Variants in TAFA2 observed in about 807,000 individuals in gnomAD.
The protein encoded by TAFA2 is TAFA chemokine like family member 2.
In TAFA2, 7 loss-of-function variants were observed where a neutral mutation model predicts 18.8. The observed-to-expected ratio is 0.37, with a 90% CI of 0.21 to 0.70. The LOEUF (loss-of-function observed/expected upper bound fraction) is 0.70. TAFA2 is among the 30% of genes least tolerant of loss of function. TAFA2 has a pLI of 0.53. For synonymous variants in TAFA2, 60 were observed against 54.2 expected (o/e 1.11, Z -0.47); for missense variants, 122 against 158.1 (o/e 0.77, Z 1.23).
intron 4 of TAFA2, among the ~76,000 whole-genome samples, chr12:61,750,024 G>A (rs567637133): frequency 4.6e-5 from 7 of 151,082 alleles, no homozygotes; most frequent in African/African-American, 1.5e-4. Context: ...CAGAATCACA[G>A]TCTGTTTTTT....
chr12:61,935,662 G>A (rs1877732551), intron 1 of TAFA2, among the ~76,000 whole-genome samples: 1 of 151,872 alleles, frequency 6.6e-6, no homozygotes, highest in African/African-American at 2.4e-5. Context: ...TTTTTTGAAA[G>A]ATCAACTTTT....
intron 1 of TAFA2, among the ~76,000 whole-genome samples, chr12:62,228,387 T>TA (rs1303202076): frequency 6.6e-6 from 1 of 152,204 alleles, no homozygotes; most frequent in Non-Finnish European, 1.5e-5. Context: ...CTTATTTTCC[T>TA]GTGGGTATAT....
chr12:62,155,193 C>A (rs903037846), intron 1 of TAFA2, among the ~76,000 whole-genome samples: 2 of 152,106 alleles, frequency 1.3e-5, no homozygotes, highest in African/African-American at 4.8e-5. Context: ...ACCTCTTTTA[C>A]AATAGCTGCA....
intron 2 of TAFA2, among the ~76,000 whole-genome samples, chr12:61,769,585 G>A (rs1869938951): frequency 6.6e-6 from 1 of 152,020 alleles, no homozygotes; most frequent in Non-Finnish European, 1.5e-5. Flanking sequence ...ACACCCCCCA[G>A]TACTTGCCTG....
intron 1 of TAFA2, among the ~76,000 whole-genome samples, chr12:62,233,064 CTCTTTT>C (rs1329034141): frequency 0.013 from 1,051 of 78,348 alleles, 31 homozygotes; most frequent in African/African-American, 0.055. Flanking sequence ...ATTTCTGCAT[CTCTTTT>C]TTTTTTTTTT....
At chr12:61,834,600 A>C (rs1872844634) in intron 2 of TAFA2, among the ~76,000 whole-genome samples, 1 of 151,942 alleles carries the variant, frequency 6.6e-6, no homozygotes, top group South Asian at 2.1e-4. Context: ...TGTTTTGCTA[A>C]AGGGTCAACA....
chr12:62,125,849 T>G (rs989914873), intron 1 of TAFA2, among the ~76,000 whole-genome samples: 1 of 152,120 alleles, frequency 6.6e-6, no homozygotes, highest in African/African-American at 2.4e-5. Context: ...TGAGTCTCTG[T>G]TACCACTAGC....
At chr12:61,718,099 TA>T (rs1869738921) in intron 4 of TAFA2, among the ~76,000 whole-genome samples, 1 of 152,340 alleles carries the variant, frequency 6.6e-6, no homozygotes, top group Non-Finnish European at 1.5e-5. Context: ...AGTGAGCTCC[TA>T]CCACATATAC....
intron 1 of TAFA2, among the ~76,000 whole-genome samples, chr12:61,884,585 G>A (rs1203622331): frequency 6.6e-6 from 1 of 152,080 alleles, no homozygotes; most frequent in African/African-American, 2.4e-5. Flanking sequence ...TTAAAAACTA[G>A]AGATGCTAAA....
At chr12:61,998,294 G>A (rs971723703) in intron 1 of TAFA2, among the ~76,000 whole-genome samples, 7 of 152,070 alleles carry the variant, frequency 4.6e-5, no homozygotes, top group African/African-American at 7.2e-5. Context: ...GTGCAATATA[G>A]CATTATATTT....
chr12:62,153,050 A>T (rs967252103), intron 1 of TAFA2, among the ~76,000 whole-genome samples: 17 of 152,158 alleles, frequency 1.1e-4, no homozygotes, highest in African/African-American at 3.6e-4. Flanking sequence ...ACATTCAATA[A>T]TTTTTTTAAT....
At chr12:62,132,542 C>G (rs140656567) in intron 1 of TAFA2, among the ~76,000 whole-genome samples, 11 of 151,980 alleles carry the variant, frequency 7.2e-5, no homozygotes, top group Admixed American at 2.6e-4. Flanking sequence ...ATACAATTAT[C>G]TCCACACATT....
At chr12:61,854,200 G>A (rs939906771) in intron 2 of TAFA2, among the ~76,000 whole-genome samples, 1 of 151,928 alleles carries the variant, frequency 6.6e-6, no homozygotes, top group Non-Finnish European at 1.5e-5. Flanking sequence ...TTTAAATGGA[G>A]GACATGAGAA....
intron 1 of TAFA2, among the ~76,000 whole-genome samples, chr12:62,157,089 T>C (rs1046252004): frequency 6.6e-5 from 10 of 152,136 alleles, no homozygotes; most frequent in Non-Finnish European, 1.5e-4. Context: ...AGTTTGTGAA[T>C]TAAAATGCCT....
intron 2 of TAFA2, among the ~76,000 whole-genome samples, chr12:61,854,601 A>G (rs997260493): frequency 6.6e-6 from 1 of 152,066 alleles, no homozygotes; most frequent in Non-Finnish European, 1.5e-5. Context: ...GAAAAAGGTC[A>G]CAATCAAAGG....
At chr12:61,955,639 A>T (rs1192569902) in intron 1 of TAFA2, among the ~76,000 whole-genome samples, 18 of 17,542 alleles carry the variant, frequency 1.0e-3, no homozygotes, top group South Asian at 6.9e-3. Context: ...AAAAATATAT[A>T]TATATATATA....
At chr12:61,905,980 C>T (rs1266495941) in intron 1 of TAFA2, among the ~76,000 whole-genome samples, 1 of 152,144 alleles carries the variant, frequency 6.6e-6, no homozygotes, top group African/African-American at 2.4e-5. Context: ...TAACATACAT[C>T]TTTACTACTT....
intron 1 of TAFA2, among the ~76,000 whole-genome samples, chr12:61,883,519 G>T (rs1029258143): frequency 6.6e-6 from 1 of 152,144 alleles, no homozygotes; most frequent in Non-Finnish European, 1.5e-5. Context: ...TAAGGGATAG[G>T]TCAGCAAGCC....
chr12:62,162,557 AC>A (rs2062413378), intron 1 of TAFA2, among the ~76,000 whole-genome samples: 1 of 152,046 alleles, frequency 6.6e-6, no homozygotes, highest in Admixed American at 6.6e-5. Flanking sequence ...CTTCTCTTCT[AC>A]CTTTGTAAAG....
Sources: gnomAD v4.1 joint callset for allele counts (sites outside exome capture counted in the v4.1 genomes callset) on GRCh38, gnomAD v4.1.1 for gene constraint, MANE v1.5 for transcripts, NCBI Gene and HGNC (gene_info 2026-07-23, HGNC 2026-07-21) for gene names.